Variants in TMED3 observed in about 807,000 individuals in gnomAD.
TMED3 encodes the protein transmembrane emp24 domain-containing protein 3.
Under a neutral mutation model 15.0 loss-of-function variants are expected in TMED3, and 9 were observed. The ratio of observed to expected loss-of-function variants is 0.60; its 90% CI spans 0.36 to 1.04. The LOEUF is 1.04. Among genes scored for constraint, TMED3 ranks in the 50% least tolerant of loss-of-function variants. The pLI, the probability that TMED3 is intolerant of heterozygous loss-of-function variation, is 0.01. For synonymous variants in TMED3, 117 were observed against 121.4 expected, an observed-to-expected ratio of 0.96 and a Z score of 0.24; for missense variants, 267 against 278.9, an observed-to-expected ratio of 0.96 and a Z score of 0.30.
downstream of TMED3, among the ~76,000 whole-genome samples, chr15:79,327,760 T>C (rs1404555008): frequency 6.6e-6 from 1 of 152,246 alleles, no homozygotes; most frequent in Non-Finnish European, 1.5e-5. Flanking sequence ...CTACTTCTTG[T>C]TGGAACTGGC....
chr15:79,340,857 T>C (rs2058849002), intron 2 of TMED3, among the ~76,000 whole-genome samples: 1 of 152,210 alleles, frequency 6.6e-6, no homozygotes, highest in Non-Finnish European at 1.5e-5. Flanking sequence ...ACAGAGGTAC[T>C]AGCTTAAGGT....
intron 2 of TMED3, among the ~76,000 whole-genome samples, chr15:79,319,556 C>T (rs956018217): frequency 4.6e-5 from 7 of 152,136 alleles, no homozygotes; most frequent in Admixed American, 6.5e-5. Flanking sequence ...TGTGTGGAGA[C>T]GAGAGATTGT....
At chr15:79,342,459 G>A (rs1188693041) in intron 2 of TMED3, among the ~76,000 whole-genome samples, 1 of 151,826 alleles carries the variant, frequency 6.6e-6, no homozygotes, top group Non-Finnish European at 1.5e-5. Context: ...CTTCCAGGTA[G>A]ATAAAAATTG....
chr15:79,377,369 G>A (rs1893445013), intron 2 of TMED3, among the ~76,000 whole-genome samples: 1 of 151,600 alleles, frequency 6.6e-6, no homozygotes, highest in Non-Finnish European at 1.5e-5. Context: ...TTTGAGTGTA[G>A]GTGTGTCTTA....
chr15:79,403,898 A>G (rs928223067), intron 2 of TMED3, among the ~76,000 whole-genome samples: 3 of 152,182 alleles, frequency 2.0e-5, no homozygotes, highest in Admixed American at 2.0e-4. Context: ...TGGGGACACT[A>G]TACCCGGCAT....
At chr15:79,352,968 TA>T (rs923501977) in intron 2 of TMED3, among the ~76,000 whole-genome samples, 19 of 115,944 alleles carry the variant, frequency 1.6e-4, no homozygotes, top group Non-Finnish European at 3.0e-4. Context: ...ATATAATATA[TA>T]AAATATATAT....
intron 2 of TMED3, among the ~76,000 whole-genome samples, chr15:79,340,059 T>G (rs2058846032): frequency 6.6e-6 from 1 of 152,196 alleles, no homozygotes; most frequent in Non-Finnish European, 1.5e-5. Context: ...CAAAGCCAAA[T>G]TACATGAATG....
chr15:79,319,948 C>T (rs1489504563), intron 2 of TMED3, among the ~76,000 whole-genome samples: 1 of 152,232 alleles, frequency 6.6e-6, no homozygotes, highest in Admixed American at 6.5e-5. Flanking sequence ...TGAAGCACAG[C>T]ATCACAGGGA....
chr15:79,401,767 C>G (rs971448550), intron 2 of TMED3, among the ~76,000 whole-genome samples: 1 of 152,138 alleles, frequency 6.6e-6, no homozygotes, highest in Non-Finnish European at 1.5e-5. Flanking sequence ...GTGGAAGAAT[C>G]AGAAAAGAAG....
chr15:79,334,383 T>G (rs922791455), intron 2 of TMED3, among the ~76,000 whole-genome samples: 8 of 152,196 alleles, frequency 5.3e-5, no homozygotes, highest in African/African-American at 1.9e-4. Flanking sequence ...AATGGCAGCA[T>G]CTAGGGGCCA....
rs1162193753 is a variant in TMED3 at position 79,350,351 on chromosome 15, G to C, written c.417+36346G>C. Among the ~76,000 whole-genome samples, 5 of 152,166 alleles carry C rather than the reference G, an allele frequency of 3.3e-5. No individual in the cohort carries two copies. The East Asian group carries it at 9.6e-4, about 29-fold the overall frequency. On this transcript the variant is annotated intron_variant, in intron 2 of 2. Coordinates refer to the TMED3 transcript ENST00000424155. ...TCATGATAAGCCGTCTGCAAGCTGA[G>C]GAACAAGGAAGCCAGTCCGAGTCCC... is the stretch of plus-strand genomic sequence containing the variant.
chr15:79,352,241 A>G (rs1004776077), intron 2 of TMED3, among the ~76,000 whole-genome samples: 1 of 152,196 alleles, frequency 6.6e-6, no homozygotes, highest in Non-Finnish European at 1.5e-5. Flanking sequence ...CCTCTTTGCC[A>G]CACAATTATT....
At chr15:79,380,231 A>G (rs970523479) in intron 2 of TMED3, among the ~76,000 whole-genome samples, 2 of 151,870 alleles carry the variant, frequency 1.3e-5, no homozygotes, top group African/African-American at 4.8e-5. Flanking sequence ...CACACCTGTA[A>G]TCCCAGCTAC....
intron 2 of TMED3, among the ~76,000 whole-genome samples, chr15:79,409,934 C>T (rs372258940): frequency 1.3e-4 from 20 of 151,990 alleles, no homozygotes; most frequent in African/African-American, 4.8e-4. Flanking sequence ...CCTTAGTTGC[C>T]CCTGTAGAGG....
intron 2 of TMED3, among the ~76,000 whole-genome samples, chr15:79,319,766 G>T (rs562165216): frequency 6.6e-6 from 1 of 152,174 alleles, no homozygotes; most frequent in Admixed American, 6.5e-5. Context: ...TGGACAGGGG[G>T]CCCTTCCCTG....
rs1171281503 is a variant in TMED3, at chr15:79,313,891, CT to C, written c.305del (p.Phe102SerfsTer44). On this transcript the variant is annotated frameshift_variant, in exon 2 of 3. Coordinates refer to ENST00000299705, the MANE Select transcript of TMED3 (RefSeq NM_007364.4). LOFTEE classifies it high-confidence loss of function. Reference protein sequence around the residue: ...AEVKGVYQFCFSNEFSTFSHK... With the variant: ...AEVKGVYQFCXSNEFSTFSHK... ...AAGTCAAGGGCGTTTATCAGTTTTG[CT>C]TCAGTAATGAGTTTTCCACCTTCTC... 1.2e-6 allele frequency: 2 copies of C among 1,614,092 alleles called. No individual in the cohort carries two copies. Among genetic ancestry groups the C allele is most frequent in the Non-Finnish European group, 1.7e-6 (2 of 1,180,054 alleles).
At chr15:79,361,988 T>G (rs1304538501) in intron 2 of TMED3, among the ~76,000 whole-genome samples, 1 of 152,060 alleles carries the variant, frequency 6.6e-6, no homozygotes, top group Non-Finnish European at 1.5e-5. Context: ...CTTTTTAGGG[T>G]CTATAAGAAG....
intron 2 of TMED3, among the ~76,000 whole-genome samples, chr15:79,377,902 T>C (rs868285147): frequency 2.6e-5 from 4 of 152,210 alleles, no homozygotes; most frequent in African/African-American, 7.2e-5. Context: ...CGCCTTGGCC[T>C]CCCAAAGTGC....
intron 2 of TMED3, among the ~76,000 whole-genome samples, chr15:79,407,950 G>T (rs58292703): frequency 6.6e-6 from 1 of 151,916 alleles, no homozygotes; most frequent in Non-Finnish European, 1.5e-5. Flanking sequence ...GCCTTGCAGC[G>T]CAGCCATTTA....
Sources: allele counts gnomAD v4.1 joint callset (sites outside exome capture counted in the v4.1 genomes callset), GRCh38; gene constraint gnomAD v4.1.1; transcripts MANE v1.5; gene names NCBI Gene and HGNC (gene_info 2026-07-23, HGNC 2026-07-21).